CSMD1: variants seen among roughly 807,000 people sequenced by gnomAD.
CSMD1 encodes CUB and sushi domain-containing protein 1.
A neutral mutation model predicts 417.5 loss-of-function variants in CSMD1; 213 were observed. That is an observed-to-expected ratio of 0.51 (90% CI 0.46 to 0.57). CSMD1 has a LOEUF of 0.57. Among genes scored for constraint, CSMD1 ranks in the 20% least tolerant of loss-of-function variants. The pLI is 0.00. For synonymous variants in CSMD1, 2,862 were observed against 1,736.8 expected, an observed-to-expected ratio of 1.65 and a Z score of -16.11; for missense variants, 6,923 against 4,529.7, an observed-to-expected ratio of 1.53 and a Z score of -15.17.
At position 3,409,525 on chromosome 8, in the gene CSMD1, T is replaced by G. The variant is rs768680532; in HGVS notation, c.1642A>C (p.Thr548Pro). The change falls in exon 13 of 70, where the codon ACA becomes CCA. Residue 548 changes from threonine (T) to proline (P), a missense_variant. Transcript: ENST00000635120. The part of the protein sequence containing the change: ...RTGSSFLHGD[T>P]LTFECPAAFE... Reference sequence around the variant, plus strand: ...GCCGCCGGGCATTCAAAGGTGAGTGTATCTCCATGGAGGAAACTGCTGCCC... The same window carrying G: ...GCCGCCGGGCATTCAAAGGTGAGTGGATCTCCATGGAGGAAACTGCTGCCC... The G allele has an allele frequency of 4.1e-5, 66 of 1,611,310 alleles. No homozygotes were observed. Among genetic ancestry groups the G allele is most frequent in the Admixed American group, 2.5e-4 (15 of 59,694 alleles).
intron 12 of CSMD1, among the ~76,000 whole-genome samples, chr8:3,416,776 G>T (rs1234629272): frequency 1.3e-5 from 2 of 152,184 alleles, no homozygotes; most frequent in Non-Finnish European, 2.9e-5. Flanking sequence ...AGCCTACACT[G>T]CTGTGTGTTC....
intron 1 of CSMD1, among the ~76,000 whole-genome samples, chr8:4,926,012 C>G (rs1248422872): frequency 6.6e-6 from 1 of 152,118 alleles, no homozygotes; most frequent in Non-Finnish European, 1.5e-5. Flanking sequence ...TATTTAATGA[C>G]TACAAAAGTG....
At chr8:3,899,987 G>A (rs1246546203) in intron 5 of CSMD1, among the ~76,000 whole-genome samples, 1 of 152,258 alleles carries the variant, frequency 6.6e-6, no homozygotes, top group East Asian at 1.9e-4. Flanking sequence ...TTGAGCTGCA[G>A]CTACAGCTGG....
chr8:4,735,900 G>T (rs76841652), intron 1 of CSMD1, among the ~76,000 whole-genome samples: 1 of 152,166 alleles, frequency 6.6e-6, no homozygotes, highest in African/African-American at 2.4e-5. Flanking sequence ...CTTTACTAGA[G>T]ATTTACTGAT....
chr8:3,485,762 A>AAAAATAAAAT (rs66605905), intron 11 of CSMD1, among the ~76,000 whole-genome samples: 3,143 of 110,790 alleles, frequency 0.028, 76 homozygotes, highest in Non-Finnish European at 0.037. Flanking sequence ...TCAGCCTCAA[A>AAAAATAAAAT]AAAATAAAAT....
At chr8:4,933,352 C>G (rs1020988874) in intron 1 of CSMD1, among the ~76,000 whole-genome samples, 1 of 152,130 alleles carries the variant, frequency 6.6e-6, no homozygotes, top group Non-Finnish European at 1.5e-5. Context: ...TAGTATCCCC[C>G]ATTTTGGTAA....
chr8:4,792,893 G>A (rs548863577), intron 1 of CSMD1, among the ~76,000 whole-genome samples: 10 of 151,952 alleles, frequency 6.6e-5, no homozygotes, highest in Admixed American at 1.3e-4. Context: ...CTCTCTGCCA[G>A]CACATTTGAG....
At chr8:3,420,146 C>A (rs1813396174) in intron 12 of CSMD1, among the ~76,000 whole-genome samples, 1 of 151,980 alleles carries the variant, frequency 6.6e-6, no homozygotes, top group Admixed American at 6.6e-5. Flanking sequence ...TTAAGAAAAG[C>A]CAAGCTAAGT....
At chr8:3,855,915 T>A (rs547666653) in intron 5 of CSMD1, among the ~76,000 whole-genome samples, 3 of 152,344 alleles carry the variant, frequency 2.0e-5, no homozygotes, top group Admixed American at 6.5e-5. Flanking sequence ...TTGCCAAATC[T>A]GTACGGGTGA....
At chr8:3,889,759 G>A (rs2627344) in intron 5 of CSMD1, among the ~76,000 whole-genome samples, 5,031 of 151,872 alleles carry the variant, frequency 0.033, 290 homozygotes, top group African/African-American at 0.12. Flanking sequence ...ATCACCTTAA[G>A]CATATGAAAG....
chr8:4,405,647 A>G (rs1321341071), intron 3 of CSMD1, among the ~76,000 whole-genome samples: 1 of 152,212 alleles, frequency 6.6e-6, no homozygotes, highest in Non-Finnish European at 1.5e-5. Flanking sequence ...TTGGCATTGC[A>G]TTATCCTCGC....
intron 3 of CSMD1, among the ~76,000 whole-genome samples, chr8:4,269,516 T>C (rs1420644278): frequency 6.6e-6 from 1 of 152,230 alleles, no homozygotes; most frequent in Non-Finnish European, 1.5e-5. Flanking sequence ...TGTTTTTATC[T>C]AACTAAAAGC....
At chr8:4,123,836 G>C (rs1434398006) in intron 3 of CSMD1, among the ~76,000 whole-genome samples, 1 of 152,128 alleles carries the variant, frequency 6.6e-6, no homozygotes, top group African/African-American at 2.4e-5. Flanking sequence ...GACCTATAGA[G>C]AATGAGAACA....
chr8:4,157,109 C>A (rs568311572), intron 3 of CSMD1, among the ~76,000 whole-genome samples: 46 of 152,248 alleles, frequency 3.0e-4, no homozygotes, highest in African/African-American at 1.0e-3. Flanking sequence ...CACTGCCTAT[C>A]TTGTGGAAAC....
chr8:3,401,445 C>G (rs1480455167), intron 15 of CSMD1, among the ~76,000 whole-genome samples: 2 of 152,014 alleles, frequency 1.3e-5, no homozygotes, highest in Non-Finnish European at 2.9e-5. Context: ...TTGCTTTATC[C>G]TGATGAAATA....
At chr8:4,385,707 T>C (rs536719930) in intron 3 of CSMD1, among the ~76,000 whole-genome samples, 7 of 152,268 alleles carry the variant, frequency 4.6e-5, no homozygotes, top group South Asian at 2.1e-4. Context: ...AGTATTTTTA[T>C]AGAGAAAATT....
At chr8:4,337,804 A>T (rs1320106857) in intron 3 of CSMD1, among the ~76,000 whole-genome samples, 1 of 152,158 alleles carries the variant, frequency 6.6e-6, no homozygotes, top group Non-Finnish European at 1.5e-5. Context: ...ATAAATTTTT[A>T]ATCAGTAGAA....
chr8:3,241,256 A>G (rs188158382), intron 26 of CSMD1, among the ~76,000 whole-genome samples: 54,699 of 147,050 alleles, frequency 0.37, 11,196 homozygotes, highest in Non-Finnish European at 0.45. Flanking sequence ...CTAAGCTGGC[A>G]CCAGAGTTGG....
intron 5 of CSMD1, among the ~76,000 whole-genome samples, chr8:3,922,063 A>C (rs1809315181): frequency 6.6e-6 from 1 of 152,110 alleles, no homozygotes; most frequent in Non-Finnish European, 1.5e-5. Flanking sequence ...TAGGTGCTAC[A>C]ATGTTGGGTG....
Sources: allele counts gnomAD v4.1 joint callset (sites outside exome capture counted in the v4.1 genomes callset), GRCh38; gene constraint gnomAD v4.1.1; transcripts MANE v1.5; gene names NCBI Gene and HGNC (gene_info 2026-07-23, HGNC 2026-07-21).